AR: variants seen among roughly 807,000 people sequenced by gnomAD.
AR encodes dihydrotestosterone receptor.
Under a neutral mutation model 53.9 loss-of-function variants are expected in AR, and 8 were observed. That is an observed-to-expected ratio of 0.15 (90% confidence interval 0.09 to 0.27). The LOEUF is 0.27. Ranked by LOEUF, AR falls within the 10% of genes least tolerant of loss-of-function variation. AR has a pLI of 1.00. For synonymous variants in AR, 359 were observed against 316.4 expected, an observed-to-expected ratio of 1.13 and a Z score of -1.43; for missense variants, 639 against 742.5, an observed-to-expected ratio of 0.86 and a Z score of 1.62.
chrX:67,552,379 T>G (rs1602149684), intron 1 of AR, among the ~76,000 whole-genome samples: 1 of 112,592 alleles, frequency 8.9e-6, no homozygotes, highest in East Asian at 2.8e-4. Flanking sequence ...CCTAATAATG[T>G]TCCACTATAT....
chrX:67,639,629 T>G (rs1925640071), intron 1 of AR, among the ~76,000 whole-genome samples: 1 of 111,808 alleles, frequency 8.9e-6, no homozygotes, highest in South Asian at 3.7e-4. Flanking sequence ...TGTCTGTTAT[T>G]GGTGTATAGG....
intron 4 of AR, among the ~76,000 whole-genome samples, chrX:67,714,477 G>A (rs769120470): frequency 9.0e-6 from 1 of 111,712 alleles, no homozygotes; most frequent in East Asian, 2.8e-4. Flanking sequence ...GTGAAATTGT[G>A]TTCTCTGAAG....
At chrX:67,615,911 C>T (rs1401919040) in intron 1 of AR, among the ~76,000 whole-genome samples, 1 of 111,229 alleles carries the variant, frequency 9.0e-6, no homozygotes, top group Non-Finnish European at 1.9e-5. Flanking sequence ...CTGTAAAAGA[C>T]ATAAGACTAT....
At chrX:67,658,643 G>A (rs1255912977) in intron 2 of AR, among the ~76,000 whole-genome samples, 1 of 111,460 alleles carries the variant, frequency 9.0e-6, no homozygotes, top group Non-Finnish European at 1.9e-5. Context: ...TGAAACTAGG[G>A]AGAGATGTGT....
rs757312069 is a variant in AR, at chrX:67,696,477, T to C, written c.1885+10351T>C. 5.4e-5 allele frequency among the ~76,000 whole-genome samples: 6 copies of C among 112,003 alleles called. No homozygotes were observed. The Admixed American group carries it at 5.7e-4, about 11-fold the overall frequency. ...TGGATCCTGTGCTTTGGCAAGGATG[T>C]GCAGCATTGCATATCATTCTATCAT... is the stretch of plus-strand genomic sequence containing the variant. On this transcript the variant is annotated intron_variant, in intron 3 of 7. Transcript: ENST00000374690.
At chrX:67,554,661 C>T (rs1440383396) in intron 1 of AR, among the ~76,000 whole-genome samples, 2 of 111,540 alleles carry the variant, frequency 1.8e-5, no homozygotes, top group Non-Finnish European at 3.8e-5. Context: ...TCTGGCCGGG[C>T]ATGGTGGCTC....
At position 67,550,670 on chromosome X, in the gene AR, AC is replaced by A. The variant is rs756889414; in HGVS notation, c.1616+3910del. 4.3e-3 allele frequency among the ~76,000 whole-genome samples: 458 copies of A among 105,302 alleles called. 1 individual carries two copies. Among genetic ancestry groups the A allele is most frequent in the African/African-American group, 0.015 (423 of 27,475 alleles). The allele number at this position is 105,302 out of a possible 115,157, so 91.4% of individuals were successfully genotyped here. ...ACTCTGAAAAATAAAAAAAAAAAAA[AC>A]CAAACAAAAAAATCAAGTTTTGTGA... On this transcript the variant is annotated intron_variant, in intron 1 of 7. Coordinates refer to ENST00000374690, the MANE Select transcript of AR (RefSeq NM_000044.6).
chrX:67,652,271 G>A (rs896016095), intron 2 of AR, among the ~76,000 whole-genome samples: 2 of 111,754 alleles, frequency 1.8e-5, no homozygotes, highest in East Asian at 5.6e-4. Context: ...TTTCATTGTG[G>A]TATCTGTATG....
intron 1 of AR, among the ~76,000 whole-genome samples, chrX:67,599,933 C>A (rs1377610187): frequency 6.3e-5 from 7 of 111,568 alleles, no homozygotes; most frequent in African/African-American, 2.3e-4. Flanking sequence ...ACCATTAAAT[C>A]AACCATTAAA....
At chrX:67,703,716 T>A (rs930462752) in intron 3 of AR, among the ~76,000 whole-genome samples, 1 of 112,024 alleles carries the variant, frequency 8.9e-6, no homozygotes, top group South Asian at 3.7e-4. Flanking sequence ...TACATATGTA[T>A]ACATGTGCCA....
chrX:67,626,531 C>T (rs1292124696), intron 1 of AR, among the ~76,000 whole-genome samples: 1 of 93,700 alleles, frequency 1.1e-5, no homozygotes, highest in African/African-American at 3.9e-5. Context: ...AGCTCCGCCT[C>T]CCAGGTTCAT....
chrX:67,659,095 C>G (rs980134698), intron 2 of AR, among the ~76,000 whole-genome samples: 1 of 110,763 alleles, frequency 9.0e-6, no homozygotes, highest in Non-Finnish European at 1.9e-5. Context: ...GAAAGGCCTC[C>G]TATGTTAGAA....
chrX:67,573,488 G>A (rs972320939), intron 1 of AR, among the ~76,000 whole-genome samples: 1 of 111,540 alleles, frequency 9.0e-6, no homozygotes, highest in Admixed American at 9.5e-5. Flanking sequence ...GGTTTTCTGA[G>A]GTCTTATGTA....
At chrX:67,672,491 T>C (rs771571444) in intron 2 of AR, among the ~76,000 whole-genome samples, 54 of 110,988 alleles carry the variant, frequency 4.9e-4, no homozygotes, top group Middle Eastern at 4.7e-3. Flanking sequence ...TCTTCCTTTT[T>C]ATTTTTTTTT....
chrX:67,576,003 TCAAA>T (rs1265683820), intron 1 of AR, among the ~76,000 whole-genome samples: 2 of 111,755 alleles, frequency 1.8e-5, no homozygotes, highest in East Asian at 2.8e-4. Flanking sequence ...AGAAAAAAAG[TCAAA>T]CAAACATATT....
chrX:67,614,287 G>C (rs1397669331), intron 1 of AR, among the ~76,000 whole-genome samples: 1 of 111,262 alleles, frequency 9.0e-6, no homozygotes, highest in African/African-American at 3.3e-5. Context: ...CCGAGCCTGA[G>C]GCAAAAGGAA....
At chrX:67,691,957 A>T (rs1468200746) in intron 3 of AR, among the ~76,000 whole-genome samples, 1 of 112,206 alleles carries the variant, frequency 8.9e-6, no homozygotes, top group Non-Finnish European at 1.9e-5. Context: ...TTTCTAAGAA[A>T]TATAGTGACT....
At position 67,696,154 on chromosome X, in the gene AR, T is replaced by C. The variant is rs759890766; in HGVS notation, c.1885+10028T>C. ...GATCTTTTTTCTTTTTTTTTTTTCC[T>C]TTTTTTTCTCTCTCGTTTGCTTTCC... is the stretch of plus-strand genomic sequence containing the variant. On this transcript the variant is annotated intron_variant, in intron 3 of 7. Transcript: ENST00000374690. 34 of 677,494 alleles carry C rather than the reference T, an allele frequency of 5.0e-5. No homozygotes were observed. The South Asian group carries it at 7.8e-4, about 16-fold the overall frequency. 55.8% of individuals were successfully genotyped at this position (677,494 alleles called of 1,213,427 possible). A position where few individuals can be genotyped will look rare whatever the true frequency, so the allele number is the denominator to read the frequency against.
In AR at chrX:67,724,597, G is replaced by A. The variant is rs1344003843; in HGVS notation, c.*756G>A. On this transcript the variant is annotated 3_prime_UTR_variant, in exon 8 of 8. Coordinates refer to ENST00000374690, the MANE Select transcript of AR (RefSeq NM_000044.6). ...AGAGGAGAGGACAAGGAGGGCAATGGAGCATCAGTACCTGCCCACAGCCTT... is the reference window on the plus strand; with the variant it reads ...AGAGGAGAGGACAAGGAGGGCAATGAAGCATCAGTACCTGCCCACAGCCTT... 2 of 173,562 alleles carry A rather than the reference G, an allele frequency of 1.2e-5. No individual in the cohort carries two copies. The highest frequency in any genetic ancestry group is 2.2e-5 in the Non-Finnish European group (2 of 91,542). 14.3% of individuals were successfully genotyped at this position (173,562 alleles called of 1,213,427 possible). A position where few individuals can be genotyped will look rare whatever the true frequency, so the allele number is the denominator to read the frequency against.
Sources: allele counts gnomAD v4.1 joint callset (sites outside exome capture counted in the v4.1 genomes callset), GRCh38; gene constraint gnomAD v4.1.1; transcripts MANE v1.5; gene names NCBI Gene and HGNC (gene_info 2026-07-23, HGNC 2026-07-21).